The following FHIT variants were observed in gnomAD, a reference collection of about 807,000 sequenced individuals.
The protein encoded by FHIT is fragile histidine triad diadenosine triphosphatase.
FHIT carries 19 observed loss-of-function variants against 17.9 expected under a neutral mutation model. The observed-to-expected ratio is 1.06, with a 90% CI of 0.74 to 1.56. FHIT has a LOEUF of 1.56. FHIT is among the 40% of genes most tolerant of loss of function. FHIT has a pLI of 0.00. For synonymous variants in FHIT, 81 were observed against 69.7 expected (o/e 1.16, Z -0.81); for missense variants, 248 against 189.2 (o/e 1.31, Z -1.82).
intron 5 of FHIT, among the ~76,000 whole-genome samples, chr3:60,071,545 T>G (rs1702771364): frequency 6.6e-6 from 1 of 152,170 alleles, no homozygotes; most frequent in Non-Finnish European, 1.5e-5. Flanking sequence ...CTGGCATGCC[T>G]GACTGCTGTT....
chr3:60,901,783 C>A (rs1300535422), intron 3 of FHIT, among the ~76,000 whole-genome samples: 1 of 152,092 alleles, frequency 6.6e-6, no homozygotes, highest in Admixed American at 6.5e-5. Context: ...CAAGCAAACA[C>A]TGTAGGTTCA....
At chr3:60,868,411 C>T (rs1426446654) in intron 3 of FHIT, among the ~76,000 whole-genome samples, 1 of 152,126 alleles carries the variant, frequency 6.6e-6, no homozygotes, top group Admixed American at 6.6e-5. Context: ...ATAGATTCCC[C>T]TCTCTTGCTG....
chr3:60,673,330 C>A (rs1487560119), intron 4 of FHIT, among the ~76,000 whole-genome samples: 2 of 152,116 alleles, frequency 1.3e-5, no homozygotes, highest in Non-Finnish European at 2.9e-5. Flanking sequence ...TTTGTTTATG[C>A]AGCCATAAAA....
intron 5 of FHIT, among the ~76,000 whole-genome samples, chr3:60,482,863 C>T (rs1402342389): frequency 6.7e-6 from 1 of 150,274 alleles, no homozygotes; most frequent in African/African-American, 2.5e-5. Context: ...CACAAAAAAC[C>T]CTCCAAAAAT....
At chr3:60,090,100 A>C (rs538831889) in intron 5 of FHIT, among the ~76,000 whole-genome samples, 275 of 152,256 alleles carry the variant, frequency 1.8e-3, no homozygotes, top group African/African-American at 6.4e-3. Flanking sequence ...GACTGCATCT[A>C]TCAAAATGGG....
chr3:60,117,303 A>C (rs1260747737), intron 5 of FHIT, among the ~76,000 whole-genome samples: 1 of 152,052 alleles, frequency 6.6e-6, no homozygotes, highest in Non-Finnish European at 1.5e-5. Flanking sequence ...AGGTTACAGA[A>C]TGGCAAAAAC....
In FHIT at chr3:60,710,592, C is replaced by G. The variant is rs907504695; in HGVS notation, c.-18+111327G>C. Among the ~76,000 whole-genome samples the G allele has an allele frequency of 3.5e-4, 53 of 152,224 alleles. 1 individual carries two copies. The highest frequency in any genetic ancestry group is 7.1e-4 in the Non-Finnish European group (48 of 68,038). ...CTGAATACCACGCTTTTCCGATGGG[C>G]TTAGGAAATGGCGCACCAGGAGATT... On this transcript the variant is annotated intron_variant, in intron 4 of 9. Transcript: ENST00000492590.
chr3:60,244,413 T>C (rs1705287451), intron 5 of FHIT, among the ~76,000 whole-genome samples: 1 of 152,104 alleles, frequency 6.6e-6, no homozygotes, highest in East Asian at 1.9e-4. Flanking sequence ...TGTAGTAAAT[T>C]AGTCACTTAA....
chr3:61,080,934 C>T (rs2035117960), intron 2 of FHIT, among the ~76,000 whole-genome samples: 2 of 152,060 alleles, frequency 1.3e-5, no homozygotes, highest in African/African-American at 4.8e-5. Flanking sequence ...AGGATCACGG[C>T]AAAAAGCGGA....
At chr3:59,819,466 G>GA (rs1300888210) in intron 8 of FHIT, among the ~76,000 whole-genome samples, 1 of 151,290 alleles carries the variant, frequency 6.6e-6, no homozygotes, top group African/African-American at 2.4e-5. Context: ...TCTTTTTCTT[G>GA]AAAAAAAATT....
At chr3:60,219,885 A>G (rs1310244672) in intron 5 of FHIT, among the ~76,000 whole-genome samples, 1 of 152,132 alleles carries the variant, frequency 6.6e-6, no homozygotes, top group Non-Finnish European at 1.5e-5. Context: ...TTCAGACGCT[A>G]CTCAACCTGG....
At chr3:60,595,777 G>A (rs781847957) in intron 4 of FHIT, among the ~76,000 whole-genome samples, 3 of 151,894 alleles carry the variant, frequency 2.0e-5, no homozygotes, top group Non-Finnish European at 2.9e-5. Context: ...CTAAGTAGCT[G>A]TAACTACAGG....
intron 3 of FHIT, among the ~76,000 whole-genome samples, chr3:60,990,944 G>A (rs1042842449): frequency 2.6e-5 from 4 of 152,052 alleles, no homozygotes; most frequent in Admixed American, 6.6e-5. Context: ...CCTACTAAGC[G>A]CCAGGTACTT....
At chr3:60,170,015 T>A (rs1701348289) in intron 5 of FHIT, among the ~76,000 whole-genome samples, 1 of 152,184 alleles carries the variant, frequency 6.6e-6, no homozygotes, top group Admixed American at 6.5e-5. Context: ...CTCCTGATTT[T>A]CCTTTGGGAG....
chr3:60,062,605 T>C (rs919806193), intron 5 of FHIT, among the ~76,000 whole-genome samples: 3 of 152,218 alleles, frequency 2.0e-5, no homozygotes, highest in Admixed American at 1.3e-4. Context: ...ACTGAAGTGC[T>C]GGATTTATCC....
At chr3:60,610,502 T>C (rs1478507541) in intron 4 of FHIT, among the ~76,000 whole-genome samples, 2 of 152,288 alleles carry the variant, frequency 1.3e-5, no homozygotes, top group African/African-American at 2.4e-5. Context: ...CTAAGTGTTT[T>C]AGGGGCTTTG....
intron 4 of FHIT, among the ~76,000 whole-genome samples, chr3:60,665,751 T>C (rs2107833434): frequency 6.6e-6 from 1 of 152,218 alleles, no homozygotes; most frequent in Non-Finnish European, 1.5e-5. Context: ...TTTGATGGTG[T>C]TTAGATGATT....
intron 4 of FHIT, among the ~76,000 whole-genome samples, chr3:60,793,432 G>A (rs567211793): frequency 4.1e-4 from 62 of 151,960 alleles, no homozygotes; most frequent in African/African-American, 1.4e-3. Flanking sequence ...CCACCCTAGT[G>A]GTTGGGATTA....
intron 8 of FHIT, among the ~76,000 whole-genome samples, chr3:59,767,573 C>T (rs1458301767): frequency 6.6e-6 from 1 of 152,028 alleles, no homozygotes; most frequent in African/African-American, 2.4e-5. Flanking sequence ...ATTTTTGCTC[C>T]CGGAAAGTGG....
Sources: gnomAD v4.1 joint callset for allele counts (sites outside exome capture counted in the v4.1 genomes callset) on GRCh38, gnomAD v4.1.1 for gene constraint, MANE v1.5 for transcripts, NCBI Gene and HGNC (gene_info 2026-07-23, HGNC 2026-07-21) for gene names.